The following LRRC4C variants were observed in gnomAD, a reference collection of about 807,000 sequenced individuals.
LRRC4C encodes leucine rich repeat containing 4C, also known as leucine-rich repeat-containing protein 4C.
A neutral mutation model predicts 33.6 loss-of-function variants in LRRC4C; 5 were observed. That is an observed-to-expected ratio of 0.15 (90% CI 0.08 to 0.31). The LOEUF is 0.31. Ranked by LOEUF, LRRC4C falls within the 10% of genes least tolerant of loss-of-function variation. The pLI, the probability that LRRC4C is intolerant of heterozygous loss-of-function variation, is 1.00. For synonymous variants in LRRC4C, 329 were observed against 302.0 expected, an observed-to-expected ratio of 1.09 and a Z score of -0.93; for missense variants, 560 against 796.7, an observed-to-expected ratio of 0.70 and a Z score of 3.58.
intron 5 of LRRC4C, among the ~76,000 whole-genome samples, chr11:40,202,449 T>C (rs917121332): frequency 1.3e-5 from 2 of 151,930 alleles, no homozygotes; most frequent in African/African-American, 2.4e-5. Flanking sequence ...GAGTTATAAT[T>C]CTCCCTCTGT....
intron 2 of LRRC4C, among the ~76,000 whole-genome samples, chr11:40,831,151 A>T (rs537222558): frequency 1.2e-4 from 19 of 152,174 alleles, no homozygotes; most frequent in Non-Finnish European, 2.4e-4. Context: ...TTCATTTCAC[A>T]GAGATTCTTC....
intron 2 of LRRC4C, among the ~76,000 whole-genome samples, chr11:40,717,346 A>G (rs773381605): frequency 6.6e-6 from 1 of 151,840 alleles, no homozygotes; most frequent in Non-Finnish European, 1.5e-5. Context: ...CCAAATAATA[A>G]TCAGAACTGG....
intron 1 of LRRC4C, among the ~76,000 whole-genome samples, chr11:41,056,990 G>A (rs1858670432): frequency 6.6e-6 from 1 of 152,166 alleles, no homozygotes; most frequent in African/African-American, 2.4e-5. Flanking sequence ...CCCAAGCCAT[G>A]GCTGCAAACT....
At chr11:40,416,703 T>A (rs976485703) in intron 3 of LRRC4C, among the ~76,000 whole-genome samples, 1 of 152,200 alleles carries the variant, frequency 6.6e-6, no homozygotes, top group African/African-American at 2.4e-5. Flanking sequence ...AAAGTGAGAT[T>A]TACTGGCTTC....
At chr11:40,405,066 T>C (rs1949909852) in intron 3 of LRRC4C, among the ~76,000 whole-genome samples, 1 of 152,006 alleles carries the variant, frequency 6.6e-6, no homozygotes, top group African/African-American at 2.4e-5. Flanking sequence ...TTCCTTTTAT[T>C]TCCTTTGACC....
intron 1 of LRRC4C, among the ~76,000 whole-genome samples, chr11:41,224,231 A>G (rs539044732): frequency 6.6e-6 from 1 of 152,182 alleles, no homozygotes; most frequent in East Asian, 1.9e-4. Flanking sequence ...TTACTGACCA[A>G]CCTCTACCTC....
At chr11:41,076,926 A>G (rs1011003875) in intron 1 of LRRC4C, among the ~76,000 whole-genome samples, 18 of 152,216 alleles carry the variant, frequency 1.2e-4, no homozygotes, top group African/African-American at 3.9e-4. Flanking sequence ...CGCTTGTTAC[A>G]AATGGGAGAA....
chr11:40,675,923 G>GA, intron 2 of LRRC4C, among the ~76,000 whole-genome samples: 1 of 152,196 alleles, frequency 6.6e-6, no homozygotes, highest in East Asian at 1.9e-4. Context: ...AAAGCAATAG[G>GA]AAAAGAAAAC....
At chr11:41,392,363 A>G (rs751211507) in intron 1 of LRRC4C, among the ~76,000 whole-genome samples, 12 of 151,822 alleles carry the variant, frequency 7.9e-5, no homozygotes, top group Non-Finnish European at 1.2e-4. Context: ...TCTCACAACC[A>G]TTTAACAGAG....
intron 1 of LRRC4C, among the ~76,000 whole-genome samples, chr11:41,066,186 C>G (rs190485021): frequency 6.6e-6 from 1 of 152,226 alleles, no homozygotes; most frequent in Admixed American, 6.5e-5. Flanking sequence ...GTTACAGGAA[C>G]TGCTAACTAC....
chr11:40,490,339 A>G (rs945573106), intron 3 of LRRC4C, among the ~76,000 whole-genome samples: 12 of 152,114 alleles, frequency 7.9e-5, no homozygotes, highest in Admixed American at 7.9e-4. Flanking sequence ...CCATCACCTT[A>G]TATTAGTGGA....
chr11:40,375,535 C>T (rs761068890), intron 3 of LRRC4C, among the ~76,000 whole-genome samples: 63 of 152,078 alleles, frequency 4.1e-4, no homozygotes, highest in Non-Finnish European at 7.1e-4. Context: ...TTGCCAAGGT[C>T]TAACATTTTG....
chr11:40,626,921 T>C (rs192932832), intron 3 of LRRC4C, among the ~76,000 whole-genome samples: 3 of 152,186 alleles, frequency 2.0e-5, no homozygotes, highest in African/African-American at 4.8e-5. Flanking sequence ...TCCAGATATC[T>C]TCTCCTCTTT....
At chr11:40,651,767 G>A (rs554157415) in intron 2 of LRRC4C, among the ~76,000 whole-genome samples, 2 of 152,090 alleles carry the variant, frequency 1.3e-5, no homozygotes, top group African/African-American at 2.4e-5. Flanking sequence ...ATTTTTTTCT[G>A]TTCAATAGTG....
rs150196732 is a variant in LRRC4C, at chr11:41,258,011, T to C, written c.-496+201420A>G. ...TTTAGAAAAAGAAAGAAAAGCCTCA[T>C]GAGCTAGGTAACGATATATAATTCT... On this transcript the variant is annotated intron_variant, in intron 1 of 6. Coordinates refer to ENST00000528697, the MANE Select transcript of LRRC4C (RefSeq NM_001258419.2). Among the ~76,000 whole-genome samples the C allele has an allele frequency of 2.6e-3, 402 of 152,084 alleles. 1 individual carries two copies. Among genetic ancestry groups the C allele is most frequent in the South Asian group, 0.02 (95 of 4,824 alleles).
intron 2 of LRRC4C, among the ~76,000 whole-genome samples, chr11:40,731,625 G>A (rs1414069119): frequency 6.6e-6 from 1 of 151,998 alleles, no homozygotes. Flanking sequence ...CACCTTCAAA[G>A]CATTTCTCTT....
intron 1 of LRRC4C, among the ~76,000 whole-genome samples, chr11:41,064,153 C>T (rs898004811): frequency 1.3e-5 from 2 of 152,178 alleles, no homozygotes; most frequent in African/African-American, 4.8e-5. Flanking sequence ...TATTTATTTA[C>T]CAATTCACCC....
intron 4 of LRRC4C, among the ~76,000 whole-genome samples, chr11:40,285,055 ACCATTT>A (rs1321832514): frequency 6.6e-6 from 1 of 152,168 alleles, no homozygotes; most frequent in Non-Finnish European, 1.5e-5. Flanking sequence ...AGTAGTAACC[ACCATTT>A]CTTGAGCATT....
intron 2 of LRRC4C, among the ~76,000 whole-genome samples, chr11:40,664,795 T>C (rs1200062504): frequency 6.6e-6 from 1 of 152,124 alleles, no homozygotes; most frequent in Non-Finnish European, 1.5e-5. Flanking sequence ...TTTATTATAC[T>C]TTAAGTTCTA....
Sources: allele counts gnomAD v4.1 joint callset (sites outside exome capture counted in the v4.1 genomes callset), GRCh38; gene constraint gnomAD v4.1.1; transcripts MANE v1.5; gene names NCBI Gene and HGNC (gene_info 2026-07-23, HGNC 2026-07-21).